The following AP3B1 variants were observed in gnomAD, a reference collection of about 807,000 sequenced individuals.
The protein encoded by AP3B1 is adaptor related protein complex 3 subunit beta 1.
In AP3B1, 61 loss-of-function variants were observed where a neutral mutation model predicts 132.5. The ratio of observed to expected loss-of-function variants is 0.46; its 90% CI spans 0.37 to 0.57. The LOEUF (loss-of-function observed/expected upper bound fraction) is 0.57. Among genes scored for constraint, AP3B1 ranks in the 20% least tolerant of loss-of-function variants. AP3B1 has a pLI of 0.00. For missense variants in AP3B1, 1,120 were observed against 1,289.4 expected (o/e 0.87, Z 2.01); for synonymous variants, 388 against 438.3 (o/e 0.89, Z 1.43).
At chr5:78,054,643 A>G (rs1014261330) in intron 22 of AP3B1, among the ~76,000 whole-genome samples, 3 of 152,188 alleles carry the variant, frequency 2.0e-5, no homozygotes, top group Non-Finnish European at 4.4e-5. Context: ...GGGAAACCGT[A>G]AGCTGTTCTA....
intron 2 of AP3B1, among the ~76,000 whole-genome samples, chr5:78,253,445 A>C (rs987700772): frequency 6.6e-6 from 1 of 152,226 alleles, no homozygotes; most frequent in Non-Finnish European, 1.5e-5. Context: ...AAACAAGCCC[A>C]GGCAGTGATG....
intron 25 of AP3B1, chr5:78,015,772 T>C: frequency 2.0e-6 from 1 of 497,090 alleles, no homozygotes; most frequent in East Asian, 3.8e-5. Flanking sequence ...CAGTAAAAAA[T>C]CACTTAAATC....
chr5:78,156,201 AACAAAAT>A, intron 14 of AP3B1, 50 bp downstream of exon 14: 1 of 1,292,224 alleles, frequency 7.7e-7, no homozygotes. Context: ...CATTTATTTT[AACAAAAT>A]TACAACTTAC....
chr5:78,202,761 G>A (rs116389989), intron 7 of AP3B1, among the ~76,000 whole-genome samples: 2 of 152,214 alleles, frequency 1.3e-5, no homozygotes, highest in African/African-American at 4.8e-5. Context: ...TAACATACAT[G>A]CAATTATCAA....
At chr5:78,014,457 T>G (rs1382445942) in intron 26 of AP3B1, among the ~76,000 whole-genome samples, 2 of 152,054 alleles carry the variant, frequency 1.3e-5, no homozygotes, top group Admixed American at 6.6e-5. Flanking sequence ...AGTTATAACT[T>G]CCCCAAGATT....
At chr5:78,045,752 T>G (rs1232288011) in intron 22 of AP3B1, among the ~76,000 whole-genome samples, 3 of 152,192 alleles carry the variant, frequency 2.0e-5, no homozygotes, top group African/African-American at 7.2e-5. Flanking sequence ...AATGATTTTA[T>G]TAGATGCAAA....
intron 2 of AP3B1, among the ~76,000 whole-genome samples, chr5:78,264,506 A>G (rs934252746): frequency 3.3e-5 from 5 of 152,174 alleles, no homozygotes; most frequent in East Asian, 3.8e-4. Context: ...AAAACCCACT[A>G]AAGTTCTATA....
chr5:78,095,030 A>G (rs907101251), intron 21 of AP3B1, among the ~76,000 whole-genome samples: 1 of 152,188 alleles, frequency 6.6e-6, no homozygotes, highest in Non-Finnish European at 1.5e-5. Flanking sequence ...TGATACCGCT[A>G]GGTGGATTAG....
At chr5:78,150,992 C>T (rs1753626205) in intron 14 of AP3B1, among the ~76,000 whole-genome samples, 1 of 152,150 alleles carries the variant, frequency 6.6e-6, no homozygotes, top group African/African-American at 2.4e-5. Flanking sequence ...AATCTCAGTT[C>T]ACTGTAGCCT....
At chr5:78,236,954 T>C (rs1436552203) in intron 3 of AP3B1, among the ~76,000 whole-genome samples, 1 of 152,120 alleles carries the variant, frequency 6.6e-6, no homozygotes, top group African/African-American at 2.4e-5. Context: ...GCACATAGTG[T>C]TTAATAAATA....
chr5:78,262,499 T>C (rs904072224), intron 2 of AP3B1, among the ~76,000 whole-genome samples: 1 of 152,168 alleles, frequency 6.6e-6, no homozygotes, highest in Non-Finnish European at 1.5e-5. Flanking sequence ...CCTTTCCCAA[T>C]TGATTGATCT....
At chr5:78,251,005 C>T (rs1297760780) in intron 2 of AP3B1, among the ~76,000 whole-genome samples, 1 of 151,950 alleles carries the variant, frequency 6.6e-6, no homozygotes, top group Non-Finnish European at 1.5e-5. Flanking sequence ...ATAATACACA[C>T]ATAATAGGAA....
intron 3 of AP3B1, among the ~76,000 whole-genome samples, chr5:78,234,810 C>T (rs1561492901): frequency 1.3e-5 from 2 of 152,108 alleles, no homozygotes; most frequent in Non-Finnish European, 2.9e-5. Context: ...AAGACATTTC[C>T]CATTAGAGTG....
chr5:78,137,331 A>C (rs1471770913), intron 15 of AP3B1, among the ~76,000 whole-genome samples: 1 of 152,150 alleles, frequency 6.6e-6, no homozygotes, highest in Non-Finnish European at 1.5e-5. Context: ...TCCACCCTGC[A>C]TAAGTATGGT....
chr5:78,164,613 A>T (rs571262754), intron 12 of AP3B1, among the ~76,000 whole-genome samples: 1 of 152,284 alleles, frequency 6.6e-6, no homozygotes, highest in Non-Finnish European at 1.5e-5. Flanking sequence ...CAGCTATAAG[A>T]TTACTGAATA....
At chr5:78,163,129 TA>T (rs1313475108) in intron 12 of AP3B1, among the ~76,000 whole-genome samples, 178 bp from the exon 13 acceptor site, 1 of 152,148 alleles carries the variant, frequency 6.6e-6, no homozygotes, top group Non-Finnish European at 1.5e-5. Context: ...TTTTTTTACT[TA>T]AAGAATGTGC....
At chr5:78,164,049 T>A (rs1159646330) in intron 12 of AP3B1, among the ~76,000 whole-genome samples, 1 of 152,010 alleles carries the variant, frequency 6.6e-6, no homozygotes, top group Non-Finnish European at 1.5e-5. Context: ...ACCAGGTGAT[T>A]AAACATTGAA....
intron 14 of AP3B1, among the ~76,000 whole-genome samples, chr5:78,143,654 A>G (rs915587829): frequency 6.6e-6 from 1 of 152,150 alleles, no homozygotes; most frequent in Admixed American, 6.5e-5. Context: ...CATTGACACT[A>G]TGAATTCACA....
chr5:78,177,159 T>C (rs1744178312), intron 9 of AP3B1, among the ~76,000 whole-genome samples, 180 bp downstream of exon 9: 1 of 152,196 alleles, frequency 6.6e-6, no homozygotes. Flanking sequence ...GTATTTATCA[T>C]TAAGTTTGAG....
Sources: allele counts gnomAD v4.1 joint callset (sites outside exome capture counted in the v4.1 genomes callset), GRCh38; gene constraint gnomAD v4.1.1; transcripts MANE v1.5; gene names NCBI Gene and HGNC (gene_info 2026-07-23, HGNC 2026-07-21).